SIMC1: variants seen among roughly 807,000 people sequenced by gnomAD.
The protein encoded by SIMC1 is SUMO interacting motifs containing 1.
In SIMC1, 55 loss-of-function variants were observed where a neutral mutation model predicts 82.3. The observed-to-expected ratio is 0.67, with a 90% CI of 0.54 to 0.84. The LOEUF is 0.84. Among genes scored for constraint, SIMC1 ranks in the 40% least tolerant of loss-of-function variants. The pLI, the probability that SIMC1 is intolerant of heterozygous loss-of-function variation, is 0.00. For synonymous variants in SIMC1, 353 were observed against 426.3 expected (o/e 0.83, Z 2.12); for missense variants, 915 against 1,107.2 (o/e 0.83, Z 2.46).
chr5:176,254,155 G>C (rs1303636203), intron 1 of SIMC1, among the ~76,000 whole-genome samples: 2 of 152,088 alleles, frequency 1.3e-5, no homozygotes, highest in African/African-American at 2.4e-5. Context: ...AGTTGTATTA[G>C]GGATGTTGCC....
chr5:176,259,062 T>G (rs1761934362), intron 1 of SIMC1, among the ~76,000 whole-genome samples: 1 of 151,988 alleles, frequency 6.6e-6, no homozygotes, highest in Non-Finnish European at 1.5e-5. Flanking sequence ...TTTAGAACAT[T>G]TACTTCACTC....
intron 1 of SIMC1, among the ~76,000 whole-genome samples, chr5:176,270,842 C>T (rs1762393565): frequency 6.6e-6 from 1 of 152,174 alleles, no homozygotes; most frequent in Non-Finnish European, 1.5e-5. Flanking sequence ...CCAGCTAGCC[C>T]CACCACCATG....
chr5:176,290,237 GA>G lies in SIMC1; in HGVS notation c.714del (p.Ala239ProfsTer23). 2 of 1,609,932 alleles carry G rather than the reference GA, an allele frequency of 1.2e-6. No homozygotes were observed. The highest frequency in any genetic ancestry group is 1.7e-6 in the Non-Finnish European group (2 of 1,178,532). The stretch of plus-strand genomic sequence containing the variant: ...CCGAGAGCCTCACCATGTCCACCAC[GA>G]GCCTCCTCATGCCCACCACGAGCCT... ...CPPRASPCPP[R>X]ASSCPPRALS... On this transcript the variant is annotated frameshift_variant, in exon 2 of 10. Coordinates refer to ENST00000429602, the MANE Select transcript of SIMC1 (RefSeq NM_001308195.2). LOFTEE classifies it high-confidence loss of function.
intron 1 of SIMC1, among the ~76,000 whole-genome samples, chr5:176,251,646 T>G (rs1426394756): frequency 6.6e-6 from 1 of 151,296 alleles, no homozygotes; most frequent in Admixed American, 6.6e-5. Flanking sequence ...TTTGGCAGGG[T>G]CATAGGACAA....
chr5:176,303,812 G>A (rs900240347), intron 4 of SIMC1, among the ~76,000 whole-genome samples: 1 of 152,178 alleles, frequency 6.6e-6, no homozygotes, highest in Non-Finnish European at 1.5e-5. Flanking sequence ...ACGACTCAGT[G>A]GTGAAAAGAC....
intron 1 of SIMC1, among the ~76,000 whole-genome samples, chr5:176,285,279 C>T (rs2113238073): frequency 6.6e-6 from 1 of 152,236 alleles, no homozygotes; most frequent in South Asian, 2.1e-4. Flanking sequence ...CATCAAAAAG[C>T]TTATCCACCA....
At chr5:176,322,747 C>T in intron 6 of SIMC1, 1 of 219,180 alleles carries the variant, frequency 4.6e-6, no homozygotes, top group Non-Finnish European at 9.1e-6. Flanking sequence ...CTCCTCATCA[C>T]TTCAGATATC....
In SIMC1 at chr5:176,324,776, G is replaced by T; in HGVS notation, c.2171+19G>T. ...GCCAGAGGTGAGTCTTGATTTTGTT[G>T]GGGAGAGCAGTTATTTAAAAAAAAA... On this transcript the variant is annotated intron_variant, in intron 7 of 9. Transcript: ENST00000429602. 6.5e-7 allele frequency: 1 copy of T among 1,539,570 alleles called. No individual in the cohort carries two copies. Among genetic ancestry groups the T allele is most frequent in the Non-Finnish European group, 8.7e-7 (1 of 1,148,310 alleles).
At chr5:176,279,065 G>T (rs1474968400) in intron 1 of SIMC1, among the ~76,000 whole-genome samples, 1 of 152,214 alleles carries the variant, frequency 6.6e-6, no homozygotes, top group Admixed American at 6.5e-5. Flanking sequence ...ATTCGGCTGT[G>T]AATCCATCTG....
intron 1 of SIMC1, among the ~76,000 whole-genome samples, chr5:176,282,711 C>T (rs1309824517): frequency 6.6e-6 from 1 of 152,206 alleles, no homozygotes; most frequent in Non-Finnish European, 1.5e-5. Flanking sequence ...AGACTTCAGA[C>T]AATCAAACTT....
intron 6 of SIMC1, 33 bp downstream of exon 6, chr5:176,322,458 C>T: frequency 6.3e-7 from 1 of 1,590,336 alleles, no homozygotes; most frequent in African/African-American, 1.3e-5. Context: ...TCCTGGGGCT[C>T]TTGGGGTTTA....
At chr5:176,251,150 A>G (rs1761636787) in intron 1 of SIMC1, among the ~76,000 whole-genome samples, 1 of 152,140 alleles carries the variant, frequency 6.6e-6, no homozygotes, top group African/African-American at 2.4e-5. Context: ...TCACAAGGTC[A>G]GGAGATCGAG....
intron 4 of SIMC1, among the ~76,000 whole-genome samples, chr5:176,311,802 G>A (rs1764675577): frequency 6.6e-6 from 1 of 152,172 alleles, no homozygotes; most frequent in African/African-American, 2.4e-5. Flanking sequence ...TAAACACTAT[G>A]TAGTTATAAC....
intron 2 of SIMC1, among the ~76,000 whole-genome samples, chr5:176,293,747 CAAAA>C (rs531149436): frequency 9.0e-6 from 1 of 111,100 alleles, no homozygotes; most frequent in African/African-American, 3.1e-5. Context: ...GACTTCATCT[CAAAA>C]AAAAAAAAAA....
At chr5:176,305,146 G>T (rs1764259887) in intron 4 of SIMC1, among the ~76,000 whole-genome samples, 2 of 123,864 alleles carry the variant, frequency 1.6e-5, no homozygotes, top group Admixed American at 7.6e-5. Flanking sequence ...AGGGGGGGGG[G>T]GTCAGCCCCC....
At chr5:176,264,532 G>C (rs1263782512) in intron 1 of SIMC1, among the ~76,000 whole-genome samples, 1 of 151,950 alleles carries the variant, frequency 6.6e-6, no homozygotes, top group Non-Finnish European at 1.5e-5. Context: ...ACTGGGGCCT[G>C]AACAGCCTGA....
chr5:176,252,858 C>A (rs1050074155), intron 1 of SIMC1, among the ~76,000 whole-genome samples: 2 of 152,228 alleles, frequency 1.3e-5, no homozygotes, highest in African/African-American at 4.8e-5. Context: ...CCATTGAGCA[C>A]TGAGTGAACG....
intron 9 of SIMC1, among the ~76,000 whole-genome samples, chr5:176,340,297 C>T (rs1766079837): frequency 6.6e-6 from 1 of 152,104 alleles, no homozygotes; most frequent in African/African-American, 2.4e-5. Context: ...GTTCTTTGGC[C>T]GAGAGAATCA....
intron 2 of SIMC1, among the ~76,000 whole-genome samples, chr5:176,293,330 G>A (rs537788314): frequency 2.0e-5 from 3 of 151,424 alleles, no homozygotes; most frequent in South Asian, 2.1e-4. Context: ...AGCTACTCTG[G>A]AGGCTGAGGC....
Sources: gnomAD v4.1 joint callset for allele counts (sites outside exome capture counted in the v4.1 genomes callset) on GRCh38, gnomAD v4.1.1 for gene constraint, MANE v1.5 for transcripts, NCBI Gene and HGNC (gene_info 2026-07-23, HGNC 2026-07-21) for gene names.